ESRRG: variants seen among roughly 807,000 people sequenced by gnomAD.
The protein encoded by ESRRG is estrogen related receptor gamma.
A neutral mutation model predicts 44.0 loss-of-function variants in ESRRG; 13 were observed. The ratio of observed to expected loss-of-function variants is 0.30; its 90% CI spans 0.19 to 0.47. The LOEUF is 0.47. ESRRG is among the 20% of genes least tolerant of loss of function. The pLI, the probability that ESRRG is intolerant of heterozygous loss-of-function variation, is 1.00. For synonymous variants in ESRRG, 215 were observed against 214.6 expected, an observed-to-expected ratio of 1.00 and a Z score of -0.02; for missense variants, 395 against 580.6, an observed-to-expected ratio of 0.68 and a Z score of 3.29.
chr1:216,812,094 C>T (rs895564335), intron 2 of ESRRG, among the ~76,000 whole-genome samples: 1 of 152,064 alleles, frequency 6.6e-6, no homozygotes, highest in African/African-American at 2.4e-5. Context: ...ACAGACTGTC[C>T]TTAGAAAGGT....
At chr1:216,852,040 C>A (rs2095850614) in intron 2 of ESRRG, among the ~76,000 whole-genome samples, 2 of 152,168 alleles carry the variant, frequency 1.3e-5, no homozygotes, top group South Asian at 4.1e-4. Flanking sequence ...TACATGCAAC[C>A]TGTTGCGGCT....
chr1:217,121,007 T>C (rs1426836092), intron 1 of ESRRG, among the ~76,000 whole-genome samples: 4 of 152,122 alleles, frequency 2.6e-5, no homozygotes, highest in Non-Finnish European at 4.4e-5. Flanking sequence ...AAACAATCCA[T>C]TACATTTGTG....
At chr1:216,690,830 T>C (rs1375011884) in intron 1 of ESRRG, among the ~76,000 whole-genome samples, 2 of 152,160 alleles carry the variant, frequency 1.3e-5, no homozygotes, top group East Asian at 3.8e-4. Context: ...CAGTTCAAAG[T>C]CCAGATTTCC....
intron 3 of ESRRG, among the ~76,000 whole-genome samples, chr1:216,569,851 A>G (rs539299071): frequency 6.6e-6 from 1 of 152,300 alleles, no homozygotes; most frequent in South Asian, 2.1e-4. Flanking sequence ...TTAATATGCG[A>G]CGGGCTCTGT....
rs2061896133 is a variant in ESRRG, at chr1:216,577,492, T to C, written c.590-9394A>G. The stretch of plus-strand genomic sequence containing the variant: ...CAGAAGTGATTCTACTAATTCACAA[T>C]TAAATGTGACACTGGCAGCAATAAG... On this transcript the variant is annotated intron_variant, in intron 3 of 6. Transcript: ENST00000408911. Among the ~76,000 whole-genome samples, 4 of 152,192 alleles carry C rather than the reference T, an allele frequency of 2.6e-5. No individual in the cohort carries two copies. The South Asian group carries it at 8.3e-4, about 32-fold the overall frequency.
intron 1 of ESRRG, among the ~76,000 whole-genome samples, chr1:217,024,073 G>T (rs567417851): frequency 6.6e-6 from 1 of 152,308 alleles, no homozygotes; most frequent in South Asian, 2.1e-4. Flanking sequence ...ATTTAGAGCT[G>T]TACAGCAGGG....
At chr1:216,852,859 TTTGA>T (rs2095862951) in intron 2 of ESRRG, among the ~76,000 whole-genome samples, 3 of 115,970 alleles carry the variant, frequency 2.6e-5, no homozygotes, top group Non-Finnish European at 1.8e-5. Context: ...GATTTAATTG[TTTGA>T]CTGTCTCTGT....
intron 5 of ESRRG, among the ~76,000 whole-genome samples, chr1:216,519,825 A>AAG: frequency 6.6e-6 from 1 of 151,120 alleles, no homozygotes; most frequent in Admixed American, 6.6e-5. Context: ...AAAAAAAAAA[A>AAG]AAAGAAGAAG....
chr1:216,736,413 G>T (rs892433664), intron 2 of ESRRG, among the ~76,000 whole-genome samples: 1 of 151,944 alleles, frequency 6.6e-6, no homozygotes, highest in African/African-American at 2.4e-5. Flanking sequence ...TCGATCTGCG[G>T]ACCTCGTGAT....
At chr1:216,594,953 T>A (rs531717353) in intron 3 of ESRRG, among the ~76,000 whole-genome samples, 1 of 152,320 alleles carries the variant, frequency 6.6e-6, no homozygotes, top group South Asian at 2.1e-4. Flanking sequence ...ATTTCTAGCA[T>A]CTGTCATATC....
intron 5 of ESRRG, among the ~76,000 whole-genome samples, chr1:216,546,114 G>A (rs1449887600): frequency 6.6e-6 from 1 of 152,018 alleles, no homozygotes; most frequent in African/African-American, 2.4e-5. Flanking sequence ...AGGAGGTGGG[G>A]GGATTGTCCT....
intron 2 of ESRRG, among the ~76,000 whole-genome samples, chr1:216,827,773 G>A (rs753386340): frequency 2.0e-4 from 30 of 152,184 alleles, no homozygotes; most frequent in Non-Finnish European, 3.4e-4. Context: ...TCACAGTCAC[G>A]TAGGACCTAA....
At chr1:216,971,769 C>T (rs2071722817) in intron 1 of ESRRG, among the ~76,000 whole-genome samples, 1 of 152,136 alleles carries the variant, frequency 6.6e-6, no homozygotes, top group Non-Finnish European at 1.5e-5. Context: ...ACATACAGCT[C>T]AAAACACACA....
At chr1:216,985,398 G>A (rs920776732) in intron 1 of ESRRG, among the ~76,000 whole-genome samples, 2 of 152,196 alleles carry the variant, frequency 1.3e-5, no homozygotes, top group African/African-American at 4.8e-5. Context: ...CCAGGCTGGA[G>A]AAGGAAGAGG....
At chr1:217,049,002 C>G (rs768000310) in intron 1 of ESRRG, among the ~76,000 whole-genome samples, 15 of 152,164 alleles carry the variant, frequency 9.9e-5, no homozygotes, top group Non-Finnish European at 1.2e-4. Flanking sequence ...TAATCAGGCA[C>G]TCCTTTCCTC....
intron 1 of ESRRG, chr1:216,714,962 C>A: frequency 2.3e-6 from 1 of 432,786 alleles, no homozygotes; most frequent in Non-Finnish European, 3.1e-6. Flanking sequence ...AATTCCTGAC[C>A]CTAGGAAAGA....
chr1:216,679,033 C>A (rs961844375), intron 1 of ESRRG, among the ~76,000 whole-genome samples: 3 of 152,168 alleles, frequency 2.0e-5, no homozygotes, highest in African/African-American at 7.2e-5. Flanking sequence ...AGCGTTGAGG[C>A]AAGATTTGCC....
intron 2 of ESRRG, among the ~76,000 whole-genome samples, chr1:216,909,953 T>C (rs918070865): frequency 6.6e-6 from 1 of 151,986 alleles, no homozygotes. Context: ...ACAAAGAACA[T>C]TGGATGTAGA....
chr1:216,732,878 C>G (rs1175309655), intron 2 of ESRRG, among the ~76,000 whole-genome samples: 1 of 150,632 alleles, frequency 6.6e-6, no homozygotes, highest in Admixed American at 6.6e-5. Flanking sequence ...CTCTTGTGGT[C>G]TCAATAATTT....
Sources: allele counts gnomAD v4.1 joint callset (sites outside exome capture counted in the v4.1 genomes callset), GRCh38; gene constraint gnomAD v4.1.1; transcripts MANE v1.5; gene names NCBI Gene and HGNC (gene_info 2026-07-23, HGNC 2026-07-21).